Variants in MECOM observed in about 807,000 individuals in gnomAD.
MECOM encodes histone-lysine N-methyltransferase MECOM.
A neutral mutation model predicts 116.3 loss-of-function variants in MECOM; 13 were observed. The ratio of observed to expected loss-of-function variants is 0.11; its 90% CI spans 0.07 to 0.18. MECOM has a LOEUF of 0.18. Ranked by LOEUF, MECOM falls within the 10% of genes least tolerant of loss-of-function variation. The pLI, the probability that MECOM is intolerant of heterozygous loss-of-function variation, is 1.00. For synonymous variants in MECOM, 528 were observed against 535.2 expected (o/e 0.99, Z 0.19); for missense variants, 1,299 against 1,509.0 (o/e 0.86, Z 2.31).
At position 169,084,129 on chromosome 3, in the gene MECOM, G is replaced by A. The variant is rs200386717; in HGVS notation, c.*780C>T. The A allele has an allele frequency of 1.9e-4, 44 of 231,146 alleles. No individual in the cohort carries two copies. The highest frequency in any genetic ancestry group is 1.2e-3 in the East Asian group (19 of 16,300). 14.3% of individuals were successfully genotyped at this position (231,146 alleles called of 1,614,324 possible). On this transcript the variant is annotated 3_prime_UTR_variant, in exon 17 of 17. Transcript: ENST00000651503. ...GCCAACAAATAAATACATGATACACGCAACACACACAAAAAAATAAACATT... is the reference window on the plus strand; with the variant it reads ...GCCAACAAATAAATACATGATACACACAACACACACAAAAAAATAAACATT...
chr3:169,228,010 A>C (rs1045058773), intron 2 of MECOM, among the ~76,000 whole-genome samples: 7 of 152,184 alleles, frequency 4.6e-5, no homozygotes, highest in Admixed American at 3.9e-4. Context: ...CAGAACAGAC[A>C]ATGCTGGGAA....
chr3:169,213,743 A>C (rs775634158), intron 2 of MECOM, among the ~76,000 whole-genome samples: 1 of 152,178 alleles, frequency 6.6e-6, no homozygotes, highest in Non-Finnish European at 1.5e-5. Flanking sequence ...TTTTACCAAT[A>C]ATACAAAATT....
At chr3:169,110,678 G>A (rs1438484332) in intron 9 of MECOM, among the ~76,000 whole-genome samples, 27 of 152,176 alleles carry the variant, frequency 1.8e-4, no homozygotes, top group Non-Finnish European at 2.9e-5. Flanking sequence ...TGCAGCAAAA[G>A]CCTCCAGTAT....
At position 169,534,651 on chromosome 3, in the gene MECOM, A is replaced by G. The variant is rs550468459; in HGVS notation, c.37+128685T>C. Among the ~76,000 whole-genome samples the G allele has an allele frequency of 4.0e-5, 6 of 151,732 alleles. No individual in the cohort carries two copies. In the South Asian group the frequency reaches 1.0e-3, roughly 26 times the overall value. ...CAGTCTGGTATGGCCAATTATTTAC[A>G]TAATGAGCAAACTCGTAGTGCTTAC... On this transcript the variant is annotated intron_variant, in intron 1 of 16. Transcript: ENST00000651503.
At chr3:169,225,593 T>A (rs1007654173) in intron 2 of MECOM, among the ~76,000 whole-genome samples, 2 of 152,222 alleles carry the variant, frequency 1.3e-5, no homozygotes, top group Non-Finnish European at 2.9e-5. Context: ...ATTAGGCAGC[T>A]CGTCCTAAGA....
At chr3:169,433,968 T>C (rs1471363682) in intron 1 of MECOM, among the ~76,000 whole-genome samples, 1 of 152,098 alleles carries the variant, frequency 6.6e-6, no homozygotes, top group African/African-American at 2.4e-5. Flanking sequence ...AAAAAAAGGG[T>C]TTATTCTTAA....
intron 2 of MECOM, among the ~76,000 whole-genome samples, chr3:169,371,513 C>T (rs1359562448): frequency 4.6e-5 from 4 of 86,042 alleles, no homozygotes; most frequent in Non-Finnish European, 8.3e-5. Context: ...AGTATTTTCA[C>T]TACACACACA....
At chr3:169,310,171 AT>A (rs917103872) in intron 2 of MECOM, among the ~76,000 whole-genome samples, 2 of 152,186 alleles carry the variant, frequency 1.3e-5, no homozygotes, top group Non-Finnish European at 2.9e-5. Context: ...GATTAAAGAC[AT>A]TTTTTCCCAA....
intron 2 of MECOM, among the ~76,000 whole-genome samples, chr3:169,339,437 C>G (rs1011705484): frequency 6.6e-6 from 1 of 152,142 alleles, no homozygotes; most frequent in Non-Finnish European, 1.5e-5. Context: ...AGAAAAACAT[C>G]CATTTTAAAT....
Position 169,309,978 on chromosome 3 carries a change from C to T in MECOM, c.375+71209G>A, listed in dbSNP as rs957795230. ...ATTCCAGCACAGCACACATCAGGAC[C>T]GGGGAAGAGGCCATTTAAATGCAGG... On this transcript the variant is annotated intron_variant, in intron 2 of 16. Transcript: ENST00000651503. Among the ~76,000 whole-genome samples, 6 of 152,148 alleles carry T rather than the reference C, an allele frequency of 3.9e-5. No homozygotes were observed. In the East Asian group the frequency reaches 7.7e-4, roughly 20 times the overall value.
At chr3:169,648,737 T>C (rs560620007) in intron 1 of MECOM, among the ~76,000 whole-genome samples, 2 of 152,350 alleles carry the variant, frequency 1.3e-5, no homozygotes, top group Admixed American at 1.3e-4. Flanking sequence ...GAAAATCACA[T>C]GCCAGCCTGA....
chr3:169,100,696 G>T (rs1408807266), intron 12 of MECOM, among the ~76,000 whole-genome samples, 189 bp downstream of exon 12: 1 of 151,916 alleles, frequency 6.6e-6, no homozygotes, highest in African/African-American at 2.4e-5. Flanking sequence ...AAAGAAACTG[G>T]AACTCTTCTA....
At chr3:169,431,494 TC>T (rs1461848594) in intron 1 of MECOM, among the ~76,000 whole-genome samples, 1 of 152,020 alleles carries the variant, frequency 6.6e-6, no homozygotes, top group African/African-American at 2.4e-5. Context: ...GAAATAAAGG[TC>T]CCTTGACCTG....
At chr3:169,498,293 C>T (rs1754083438) in intron 1 of MECOM, among the ~76,000 whole-genome samples, 2 of 152,166 alleles carry the variant, frequency 1.3e-5, no homozygotes, top group Admixed American at 1.3e-4. Context: ...AAATAACAGA[C>T]CAAAATGGCA....
intron 1 of MECOM, among the ~76,000 whole-genome samples, chr3:169,598,495 C>A (rs1767421093): frequency 6.6e-6 from 1 of 152,138 alleles, no homozygotes; most frequent in Admixed American, 6.5e-5. Context: ...AAGAAGATAG[C>A]AGAACAAAGT....
chr3:169,230,701 C>T (rs1338663455), intron 2 of MECOM, among the ~76,000 whole-genome samples: 1 of 152,078 alleles, frequency 6.6e-6, no homozygotes, highest in Non-Finnish European at 1.5e-5. Context: ...AGAAAAGAGG[C>T]TTCTACCTTT....
At chr3:169,569,505 C>G (rs1763632089) in intron 1 of MECOM, among the ~76,000 whole-genome samples, 1 of 152,188 alleles carries the variant, frequency 6.6e-6, no homozygotes, top group Non-Finnish European at 1.5e-5. Flanking sequence ...ACAGAACTCT[C>G]TACACCAAAT....
At chr3:169,547,499 A>C (rs1760869681) in intron 1 of MECOM, among the ~76,000 whole-genome samples, 1 of 152,124 alleles carries the variant, frequency 6.6e-6, no homozygotes, top group Non-Finnish European at 1.5e-5. Context: ...TGGGCTTTGG[A>C]GGCAAACTAA....
chr3:169,112,878 A>G lies in MECOM; in HGVS notation c.2490-4T>C. The G allele has an allele frequency of 1.2e-6, 2 of 1,606,140 alleles. No homozygotes were observed. The highest frequency in any genetic ancestry group is 1.7e-6 in the Non-Finnish European group (2 of 1,174,108). On this transcript the variant is annotated splice_polypyrimidine_tract_variant and splice_region_variant and intron_variant, in intron 8 of 16. Transcript: ENST00000651503. ...AGTTAGTTTTCTTTTCTCTACTCTG[A>G]AAGGTTAAAATTAGATTTTGGAGAT...
Sources: allele counts gnomAD v4.1 joint callset (sites outside exome capture counted in the v4.1 genomes callset), GRCh38; gene constraint gnomAD v4.1.1; transcripts MANE v1.5; gene names NCBI Gene and HGNC (gene_info 2026-07-23, HGNC 2026-07-21).